NRG3: variants seen among roughly 807,000 people sequenced by gnomAD.
The protein encoded by NRG3 is pro-neuregulin-3, membrane-bound isoform.
In NRG3, 31 loss-of-function variants were observed where a neutral mutation model predicts 66.9. That is an observed-to-expected ratio of 0.46 (90% CI 0.35 to 0.63). The LOEUF is 0.63. NRG3 is among the 20% of genes least tolerant of loss of function. NRG3 has a pLI of 0.00. For missense variants in NRG3, 910 were observed against 878.9 expected (o/e 1.04, Z -0.45); for synonymous variants, 393 against 359.4 (o/e 1.09, Z -1.06).
At chr10:82,456,226 C>T (rs564995670) in intron 2 of NRG3, among the ~76,000 whole-genome samples, 1 of 149,972 alleles carries the variant, frequency 6.7e-6, no homozygotes, top group South Asian at 2.1e-4. Flanking sequence ...TCACTCCCAC[C>T]TCAAACTCCT....
At chr10:82,315,670 T>A (rs182295680) in intron 1 of NRG3, among the ~76,000 whole-genome samples, 1 of 149,444 alleles carries the variant, frequency 6.7e-6, no homozygotes, top group Non-Finnish European at 1.5e-5. Context: ...GTTTGTTGTT[T>A]TTTTTTTTTT....
At chr10:82,230,950 A>G (rs983291362) in intron 1 of NRG3, among the ~76,000 whole-genome samples, 1 of 152,214 alleles carries the variant, frequency 6.6e-6, no homozygotes, top group Non-Finnish European at 1.5e-5. Flanking sequence ...TTAAAATTAG[A>G]TAATGCAGTA....
At chr10:81,975,362 T>C (rs2060084783) in intron 1 of NRG3, among the ~76,000 whole-genome samples, 1 of 148,064 alleles carries the variant, frequency 6.8e-6, no homozygotes, top group African/African-American at 2.6e-5. Context: ...TCTATCTATC[T>C]ATCTATCTAT....
At chr10:82,083,623 G>A (rs1404207966) in intron 1 of NRG3, among the ~76,000 whole-genome samples, 1 of 137,842 alleles carries the variant, frequency 7.3e-6, no homozygotes, top group South Asian at 2.3e-4. Flanking sequence ...TTGAGACAGA[G>A]TTTCGCTCTT....
At chr10:82,517,643 GTT>G (rs780275730) in intron 2 of NRG3, among the ~76,000 whole-genome samples, 2 of 88,462 alleles carry the variant, frequency 2.3e-5, no homozygotes, top group Non-Finnish European at 3.9e-5. Context: ...CCCCGTGTGT[GTT>G]TGTGTGTGTG....
intron 3 of NRG3, among the ~76,000 whole-genome samples, chr10:82,840,408 A>G (rs189473733): frequency 4.8e-5 from 7 of 146,148 alleles, no homozygotes; most frequent in South Asian, 2.1e-4. Context: ...CATGTTCAAC[A>G]TACACATTTT....
intron 2 of NRG3, among the ~76,000 whole-genome samples, chr10:82,460,073 GC>G (rs2091443139): frequency 6.6e-6 from 1 of 152,054 alleles, no homozygotes; most frequent in African/African-American, 2.4e-5. Flanking sequence ...GCTTTTTGCT[GC>G]CTACACAATC....
chr10:82,380,267 A>AT (rs75630576), intron 2 of NRG3, among the ~76,000 whole-genome samples: 40,574 of 151,798 alleles, frequency 0.27, 6,766 homozygotes, highest in East Asian at 0.52. Context: ...AGCAGATCAG[A>AT]TTTTTTTTGC....
chr10:82,633,329 A>G (rs995146643), intron 2 of NRG3, among the ~76,000 whole-genome samples: 6 of 152,192 alleles, frequency 3.9e-5, no homozygotes, highest in Non-Finnish European at 7.3e-5. Context: ...GATTGGGTCC[A>G]TCATCATCAT....
At chr10:81,888,818 A>G (rs751509391) in intron 1 of NRG3, among the ~76,000 whole-genome samples, 10 of 152,150 alleles carry the variant, frequency 6.6e-5, no homozygotes, top group Admixed American at 3.3e-4. Context: ...AAGTGATACA[A>G]TATCTGTGGT....
intron 6 of NRG3, among the ~76,000 whole-genome samples, chr10:82,968,753 G>A (rs1250166202): frequency 2.0e-5 from 3 of 152,166 alleles, no homozygotes; most frequent in African/African-American, 7.2e-5. Context: ...TCCAGAAATA[G>A]TTGGCTGATA....
intron 1 of NRG3, among the ~76,000 whole-genome samples, chr10:82,149,789 T>G (rs550922064): frequency 3.9e-4 from 59 of 152,100 alleles, no homozygotes; most frequent in East Asian, 2.5e-3. Flanking sequence ...TTTTATGACA[T>G]GTTTCACACA....
Position 82,290,865 on chromosome 10 carries a change from G to A in NRG3, c.824-67874G>A, listed in dbSNP as rs112136470. Among the ~76,000 whole-genome samples, 8 of 150,298 alleles carry A rather than the reference G, an allele frequency of 5.3e-5. No homozygotes were observed. In the East Asian group the frequency reaches 5.9e-4, roughly 11 times the overall value. On this transcript the variant is annotated intron_variant, in intron 1 of 8. Coordinates refer to ENST00000372141, the MANE Select transcript of NRG3 (RefSeq NM_001010848.4). ...TCACCATGTTAGCCAGGATGGTCTC[G>A]ATCTCCTGACATCGTGATCTGCCCG...
chr10:82,668,266 G>A (rs1171628250), intron 2 of NRG3, among the ~76,000 whole-genome samples: 2 of 152,158 alleles, frequency 1.3e-5, no homozygotes, highest in African/African-American at 4.8e-5. Context: ...TTATGATACA[G>A]TTGGCTTTCT....
At chr10:82,481,539 ATCAT>A (rs1264198595) in intron 2 of NRG3, among the ~76,000 whole-genome samples, 2 of 152,208 alleles carry the variant, frequency 1.3e-5, no homozygotes, top group Non-Finnish European at 2.9e-5. Context: ...TATTTAATTA[ATCAT>A]TCATTTACAT....
At chr10:82,720,543 A>G (rs980490273) in intron 2 of NRG3, among the ~76,000 whole-genome samples, 2 of 152,046 alleles carry the variant, frequency 1.3e-5, no homozygotes, top group African/African-American at 4.8e-5. Flanking sequence ...TATGCTTTTC[A>G]TGTGCCCTAG....
At chr10:81,890,627 T>C (rs1048995440) in intron 1 of NRG3, among the ~76,000 whole-genome samples, 7 of 152,216 alleles carry the variant, frequency 4.6e-5, no homozygotes, top group African/African-American at 1.7e-4. Context: ...ATTCCTACCA[T>C]TGGAAAATAC....
intron 2 of NRG3, among the ~76,000 whole-genome samples, chr10:82,588,579 T>A (rs899167989): frequency 1.3e-5 from 2 of 152,048 alleles, no homozygotes; most frequent in Non-Finnish European, 2.9e-5. Context: ...CTCGGCTTAC[T>A]GCAAGCTCCG....
At chr10:82,825,761 T>C (rs966006211) in intron 3 of NRG3, among the ~76,000 whole-genome samples, 1 of 152,238 alleles carries the variant, frequency 6.6e-6, no homozygotes, top group African/African-American at 2.4e-5. Flanking sequence ...ATCAATATTC[T>C]GTAGCAATTG....
Sources: gnomAD v4.1 joint callset for allele counts (sites outside exome capture counted in the v4.1 genomes callset) on GRCh38, gnomAD v4.1.1 for gene constraint, MANE v1.5 for transcripts, NCBI Gene and HGNC (gene_info 2026-07-23, HGNC 2026-07-21) for gene names.